The following COL5A3 variants were observed in gnomAD, a reference collection of about 807,000 sequenced individuals.
COL5A3 encodes the protein collagen alpha-3(V) chain.
Under a neutral mutation model 250.0 loss-of-function variants are expected in COL5A3, and 172 were observed. The observed-to-expected ratio is 0.69, with a 90% CI of 0.61 to 0.78. The LOEUF (loss-of-function observed/expected upper bound fraction) is 0.78, where lower values mean the gene tolerates loss of function less well. COL5A3 is among the 30% of genes least tolerant of loss of function. COL5A3 has a pLI of 0.00. For missense variants in COL5A3, 2,340 were observed against 2,334.4 expected (o/e 1.00, Z -0.05); for synonymous variants, 937 against 900.4 (o/e 1.04, Z -0.73).
Position 9,996,119 on chromosome 19 carries a change from C to A in COL5A3, c.1480G>T (p.Gly494Cys), listed in dbSNP as rs773478081. 1.3e-6 allele frequency: 2 copies of A among 1,577,428 alleles called. No homozygotes were observed. Among genetic ancestry groups the A allele is most frequent in the Non-Finnish European group, 1.7e-6 (2 of 1,163,558 alleles). The change falls in exon 15 of 67, where the codon GGT (glycine) becomes TGT (cysteine). Residue 494 changes from glycine to cysteine, a missense_variant and splice_region_variant. Physicochemically the swap from Gly to Cys is radical, Grantham distance 159. Around this residue, in one of 3 missense-constraint regions of COL5A3, gnomAD observed 1,152 missense variants for 1,146.3 expected, o/e 1.00. Coordinates refer to ENST00000264828, the MANE Select transcript of COL5A3 (RefSeq NM_015719.4). ...TTCAGACCTGGATGCCCGGGGAGAC[C>A]CTTGGGGGAGGAGAGATGGAGGAGT... ...VGLTGRPGPVGLPGHPGLKGE... is the reference protein window; with the variant it reads ...VGLTGRPGPVCLPGHPGLKGE...
intron 10 of COL5A3, 70 bp downstream of exon 10, chr19:9,997,910 CCTCA>C (rs1242426501): frequency 6.5e-7 from 1 of 1,544,528 alleles, no homozygotes; most frequent in Admixed American, 1.7e-5. Flanking sequence ...CACCCCAACT[CCTCA>C]CTCCAGGGGA....
chr19:9,998,232 GCA>G (rs143525824), intron 8 of COL5A3, 83 bp from the exon 9 acceptor site: 173,068 of 925,586 alleles, frequency 0.19, 7,651 homozygotes, highest in African/African-American at 0.2. Flanking sequence ...ACACACACTT[GCA>G]CACACACACA....
intron 45 of COL5A3, among the ~76,000 whole-genome samples, chr19:9,976,110 G>C (rs1015222476): frequency 6.6e-6 from 1 of 151,236 alleles, no homozygotes; most frequent in African/African-American, 2.4e-5. Flanking sequence ...GGTTCGACTG[G>C]GATTGAGCCA....
chr19:9,985,598 G>A (rs1334735552), intron 31 of COL5A3, among the ~76,000 whole-genome samples: 1 of 151,900 alleles, frequency 6.6e-6, no homozygotes, highest in Non-Finnish European at 1.5e-5. Context: ...TAGGGACCAC[G>A]TTTTGCCACG....
Position 9,997,438 on chromosome 19 carries a change from T to G in COL5A3, c.1201-5A>C, listed in dbSNP as rs753429648. 2.5e-6 allele frequency: 4 copies of G among 1,598,378 alleles called. No homozygotes were observed. The highest frequency in any genetic ancestry group is 3.4e-6 in the Non-Finnish European group (4 of 1,172,912). ...GCCTGAGGGGCCAACCACCCCCTGT[T>G]GGGGACAGAGAAACAGGAGTCACAG... On this transcript the variant is annotated splice_polypyrimidine_tract_variant and splice_region_variant and intron_variant, in intron 10 of 66. Coordinates refer to ENST00000264828, the MANE Select transcript of COL5A3 (RefSeq NM_015719.4).
rs2086788296 is a variant in COL5A3 at position 9,968,621 on chromosome 19, G to C, written c.4206+54C>G. ...AATCTCCCAGCCCCCCAGCCAGGGA[G>C]GGAGGGAAAGAGGGGAGGAGATGGG... On this transcript the variant is annotated intron_variant, in intron 58 of 66. Coordinates refer to ENST00000264828, the MANE Select transcript of COL5A3 (RefSeq NM_015719.4). The surrounding 1 kb of genome is among the most constrained non-coding windows in gnomAD (Gnocchi z 4.1). The C allele has an allele frequency of 6.3e-7, 1 of 1,597,214 alleles. No homozygotes were observed. Among genetic ancestry groups the C allele is most frequent in the Non-Finnish European group, 8.6e-7 (1 of 1,166,638 alleles).
At chr19:9,981,655 A>G (rs184746557) in intron 32 of COL5A3, among the ~76,000 whole-genome samples, 2 of 152,348 alleles carry the variant, frequency 1.3e-5, no homozygotes, top group East Asian at 3.9e-4. Context: ...ACATGCATGT[A>G]TACCCATCAC....
At position 9,977,877 on chromosome 19, in the gene COL5A3, C is replaced by G. The variant is rs1269885035; in HGVS notation, c.3019-176G>C. Reference sequence around the variant, plus strand: ...CCTGAGGGGCAGGGCATATTCTTCTCCTGCTCAAGAACACTCCATGGCTCC... The same window carrying G: ...CCTGAGGGGCAGGGCATATTCTTCTGCTGCTCAAGAACACTCCATGGCTCC... On this transcript the variant is annotated intron_variant, in intron 41 of 66. Transcript: ENST00000264828. 3.3e-5 allele frequency among the ~76,000 whole-genome samples: 5 copies of G among 151,016 alleles called. No individual in the cohort carries two copies. In the Admixed American group the frequency reaches 3.3e-4, roughly 10 times the overall value.
chr19:10,002,117 G>A (rs2087372097), intron 6 of COL5A3, among the ~76,000 whole-genome samples: 1 of 152,172 alleles, frequency 6.6e-6, no homozygotes, highest in South Asian at 2.1e-4. Flanking sequence ...GAAGCCCAGT[G>A]GTCAAGGTCA....
chr19:9,988,868 G>GAAGGAAAAGA (rs1555739004), intron 27 of COL5A3, among the ~76,000 whole-genome samples: 15 of 122,130 alleles, frequency 1.2e-4, no homozygotes, highest in Admixed American at 2.5e-4. Context: ...AGAAAGTAAA[G>GAAGGAAAAGA]AAAAGAAAAG....
chr19:9,970,730 C>T lies in COL5A3; in HGVS notation c.3883-55G>A, dbSNP rs968935387. The T allele has an allele frequency of 9.6e-6, 13 of 1,352,708 alleles. No homozygotes were observed. In the African/African-American group the frequency reaches 1.7e-4, roughly 17 times the overall value. The allele number at this position is 1,352,708 out of a possible 1,614,324, so 83.8% of individuals were successfully genotyped here. ...CTCAGCTAACATTGTTTGAGCCTGA[C>T]TGTTTTAGGACGCCTTGGACCAGAG... On this transcript the variant is annotated intron_variant, in intron 53 of 66. Transcript: ENST00000264828.
At chr19:9,991,517 C>T (rs1248229040) in intron 24 of COL5A3, 93 bp downstream of exon 24, 2 of 1,050,932 alleles carry the variant, frequency 1.9e-6, no homozygotes, top group East Asian at 2.6e-5. Flanking sequence ...CTATCCAGAG[C>T]TAACAGAGGG....
At position 9,998,033 on chromosome 19, in the gene COL5A3, G is replaced by C. The variant is rs1473992743; in HGVS notation, c.1159-8C>G. 1 of 1,613,940 alleles carries C rather than the reference G, an allele frequency of 6.2e-7. No homozygotes were observed. Among genetic ancestry groups the C allele is most frequent in the African/African-American group, 1.3e-5 (1 of 74,890 alleles). On this transcript the variant is annotated splice_polypyrimidine_tract_variant and splice_region_variant and intron_variant, in intron 9 of 66. Transcript: ENST00000264828. The stretch of plus-strand genomic sequence containing the variant: ...TCCCTCAAACTGCTGCCCCTGAAGG[G>C]AGAAGTGAGTGTCGGTGACCGCTGT...
At chr19:9,998,213 T>C (rs572310276) in intron 8 of COL5A3, 64 bp from the exon 9 acceptor site, 3 of 1,481,452 alleles carry the variant, frequency 2.0e-6, no homozygotes, top group South Asian at 2.5e-5. Context: ...GCCCTTCAGT[T>C]ATCTGATCAC....
rs753650782 is a variant in COL5A3, at chr19:9,969,406, A to C, written c.4099-4T>G. 1 of 1,606,884 alleles carries C rather than the reference A, an allele frequency of 6.2e-7. No individual in the cohort carries two copies. The highest frequency in any genetic ancestry group is 8.5e-7 in the Non-Finnish European group (1 of 1,177,400). ...CTCCCAGGAGGCCTGGTTCACCCTG[A>C]GAATGGAACAGAACATGGGGTGGGC... On this transcript the variant is annotated splice_region_variant and splice_polypyrimidine_tract_variant and intron_variant, in intron 56 of 66. Transcript: ENST00000264828.
At chr19:9,985,084 G>A (rs2087080282) in intron 31 of COL5A3, among the ~76,000 whole-genome samples, 1 of 151,052 alleles carries the variant, frequency 6.6e-6, no homozygotes, top group Admixed American at 6.6e-5. Context: ...GGGTAGCTGG[G>A]ATTACAGGTG....
chr19:9,961,901 T>C (rs1244264975), intron 65 of COL5A3, among the ~76,000 whole-genome samples: 1 of 152,132 alleles, frequency 6.6e-6, no homozygotes, highest in Non-Finnish European at 1.5e-5. Context: ...ATGACTGAGC[T>C]TCAATCCAGT....
At position 10,001,552 on chromosome 19, in the gene COL5A3, G is replaced by A. The variant is rs1167076076; in HGVS notation, c.1082C>T (p.Pro361Leu). 2 of 1,614,038 alleles carry A rather than the reference G, an allele frequency of 1.2e-6. No homozygotes were observed. The highest frequency in any genetic ancestry group is 1.7e-5 in the Admixed American group (1 of 60,008). Residue 361 changes from proline (P) to leucine (L), a missense_variant, in exon 8 of 67, where the codon CCA becomes CTA. Pro to Leu is a moderately conservative substitution (Grantham distance 98). This residue lies in a region of COL5A3 where 1,152 missense variants were observed against 1,146.3 expected (regional missense o/e 1.00). Transcript: ENST00000264828. ...AAAGATCTGGAACTGAGTCCGAGAT[G>A]GATATTCTGCTGCCCGGAAGTCAGG... is the stretch of plus-strand genomic sequence containing the variant. ...MGPDFRAAEYPSRTQFQIFPG... is the reference protein window; with the variant it reads ...MGPDFRAAEYLSRTQFQIFPG...
At chr19:9,967,445 C>A (rs115272761) in intron 61 of COL5A3, 45 bp from the exon 62 acceptor site, 28,173 of 1,380,910 alleles carry the variant, frequency 0.02, 614 homozygotes, top group East Asian at 0.089. Flanking sequence ...TCTATGGAGA[C>A]CCTTCCCACC....
Sources: gnomAD v4.1 joint callset for allele counts (sites outside exome capture counted in the v4.1 genomes callset) on GRCh38, gnomAD v4.1.1 for gene constraint, gnomAD v4.1.1 regional missense constraint, Gnocchi (gnomAD v3.1) non-coding constraint, MANE v1.5 for transcripts, NCBI Gene and HGNC (gene_info 2026-07-23, HGNC 2026-07-21) for gene names.